Variants in CDH18 observed in about 807,000 individuals in gnomAD.
CDH18 encodes the protein cadherin-18.
Under a neutral mutation model 67.9 loss-of-function variants are expected in CDH18, and 31 were observed. The observed-to-expected ratio is 0.46, with a 90% CI of 0.34 to 0.62. The LOEUF (loss-of-function observed/expected upper bound fraction) is 0.62, where lower values mean the gene tolerates loss of function less well. Ranked by LOEUF, CDH18 falls within the 20% of genes least tolerant of loss-of-function variation. CDH18 has a pLI of 0.01. For synonymous variants in CDH18, 362 were observed against 347.2 expected (o/e 1.04, Z -0.48); for missense variants, 890 against 975.5 (o/e 0.91, Z 1.17).
At chr5:19,590,963 G>A in intron 7 of CDH18, 94 bp downstream of exon 7, 1 of 635,278 alleles carries the variant, frequency 1.6e-6, no homozygotes. Flanking sequence ...CATTTTAATG[G>A]CCTGACAGCG....
chr5:19,885,091 A>C (rs574149171), intron 2 of CDH18, among the ~76,000 whole-genome samples: 1 of 152,272 alleles, frequency 6.6e-6, no homozygotes, highest in East Asian at 1.9e-4. Context: ...TGCCTTCCAT[A>C]TTATGGGCGA....
chr5:19,900,830 T>C (rs1413302058), intron 2 of CDH18, among the ~76,000 whole-genome samples: 13 of 152,206 alleles, frequency 8.5e-5, no homozygotes, highest in Non-Finnish European at 1.8e-4. Context: ...AGCTATTATG[T>C]TTTCAGTGGA....
At chr5:20,068,017 A>G (rs1743132855) in intron 2 of CDH18, among the ~76,000 whole-genome samples, 1 of 152,016 alleles carries the variant, frequency 6.6e-6, no homozygotes, top group Non-Finnish European at 1.5e-5. Flanking sequence ...CCTTTTGTTT[A>G]TCTCGTTTAC....
intron 2 of CDH18, among the ~76,000 whole-genome samples, chr5:19,905,757 C>A (rs1407749040): frequency 6.6e-6 from 1 of 151,494 alleles, no homozygotes; most frequent in African/African-American, 2.4e-5. Flanking sequence ...TTATTAAAAT[C>A]AATTTTAAAA....
At position 20,145,763 on chromosome 5, in the gene CDH18, T is replaced by A. The variant is rs550680012; in HGVS notation, c.-518+109681A>T. On this transcript the variant is annotated intron_variant, in intron 2 of 14. Coordinates refer to the CDH18 transcript ENST00000507958. ...GTTGACCACTCATTAATTTTTAAAC[T>A]GAGTTCCATATATTTACTCTTGCCC... 2.0e-5 allele frequency among the ~76,000 whole-genome samples: 3 copies of A among 152,328 alleles called. No homozygotes were observed. The East Asian group carries it at 5.8e-4, about 29-fold the overall frequency.
intron 8 of CDH18, among the ~76,000 whole-genome samples, chr5:19,558,793 T>C (rs1738912246): frequency 6.6e-6 from 1 of 151,964 alleles, no homozygotes; most frequent in African/African-American, 2.4e-5. Context: ...CCCTAAGTGA[T>C]TCCATGAAGC....
rs1031095979 is a variant in CDH18 at position 19,750,772 on chromosome 5, C to T, written c.229-3536G>A. Among the ~76,000 whole-genome samples, 999 of 116,728 alleles carry T rather than the reference C, an allele frequency of 8.6e-3. 16 individuals are homozygous for T. Among genetic ancestry groups the T allele is most frequent in the African/African-American group, 0.027 (891 of 32,930 alleles). The allele number at this position is 116,728 out of a possible 152,430, so 76.6% of individuals were successfully genotyped here. A position where few individuals can be genotyped will look rare whatever the true frequency, so the allele number is the denominator to read the frequency against. Reference sequence around the variant, plus strand: ...CATATACAGTGAAGCCCCCCCCCCCCCACTTTTTTTAAATCAGTTTAGTCA... The same window carrying T: ...CATATACAGTGAAGCCCCCCCCCCCTCACTTTTTTTAAATCAGTTTAGTCA... On this transcript the variant is annotated intron_variant, in intron 3 of 12. Coordinates refer to ENST00000382275, the MANE Select transcript of CDH18 (RefSeq NM_004934.5).
At chr5:20,208,528 C>T (rs1740092962) in intron 2 of CDH18, among the ~76,000 whole-genome samples, 1 of 151,928 alleles carries the variant, frequency 6.6e-6, no homozygotes, top group South Asian at 2.1e-4. Context: ...CTGCAAAACA[C>T]TAAATGTAGA....
intron 2 of CDH18, among the ~76,000 whole-genome samples, chr5:19,995,692 T>A (rs1367466449): frequency 2.0e-5 from 3 of 151,496 alleles, no homozygotes; most frequent in Non-Finnish European, 2.9e-5. Context: ...GCTAGCTAAA[T>A]CCCAGTTGTA....
chr5:20,188,544 G>A (rs1181367669), intron 2 of CDH18, among the ~76,000 whole-genome samples: 1 of 151,776 alleles, frequency 6.6e-6, no homozygotes, highest in Admixed American at 6.6e-5. Context: ...CTTGTGTCAA[G>A]AACTGTGCTA....
intron 5 of CDH18, among the ~76,000 whole-genome samples, chr5:19,670,994 T>G (rs1758668541): frequency 6.6e-6 from 1 of 152,076 alleles, no homozygotes; most frequent in African/African-American, 2.4e-5. Context: ...GAGTATCTAG[T>G]TATTAGTTCA....
At position 20,209,282 on chromosome 5, in the gene CDH18, A is replaced by T. The variant is rs186101681; in HGVS notation, c.-518+46162T>A. Among the ~76,000 whole-genome samples, 3 of 152,248 alleles carry T rather than the reference A, an allele frequency of 2.0e-5. No homozygotes were observed. The East Asian group carries it at 5.8e-4, about 29-fold the overall frequency. On this transcript the variant is annotated intron_variant, in intron 2 of 14. Coordinates refer to the CDH18 transcript ENST00000507958. ...CATCCAAAAGAAAGGAAACCAATGT[A>T]TTGAAAAAAGATGTGAACTCTCATG...
At chr5:20,098,665 C>T (rs979656693) in intron 2 of CDH18, among the ~76,000 whole-genome samples, 1 of 151,734 alleles carries the variant, frequency 6.6e-6, no homozygotes, top group African/African-American at 2.4e-5. Context: ...TTTATTATTC[C>T]AATCAGGAAA....
intron 2 of CDH18, among the ~76,000 whole-genome samples, chr5:19,921,030 AAAAT>A (rs1197673274): frequency 6.6e-6 from 1 of 152,064 alleles, no homozygotes; most frequent in African/African-American, 2.4e-5. Context: ...CATGTACAAA[AAAAT>A]AAAATTAGAT....
At chr5:20,082,155 T>C (rs1206844291) in intron 2 of CDH18, among the ~76,000 whole-genome samples, 1 of 151,704 alleles carries the variant, frequency 6.6e-6, no homozygotes, top group Non-Finnish European at 1.5e-5. Flanking sequence ...AGCAAACCTG[T>C]GATATTAATC....
chr5:19,628,317 T>C (rs1228907572), intron 5 of CDH18, among the ~76,000 whole-genome samples: 1 of 152,126 alleles, frequency 6.6e-6, no homozygotes, highest in African/African-American at 2.4e-5. Flanking sequence ...AATTGCACAG[T>C]CTTGGGTATG....
intron 1 of CDH18, among the ~76,000 whole-genome samples, chr5:20,542,000 T>C (rs1456270670): frequency 3.3e-5 from 5 of 152,092 alleles, no homozygotes; most frequent in Non-Finnish European, 4.4e-5. Flanking sequence ...GGCCGGAGTG[T>C]AGAGGTGCAA....
intron 1 of CDH18, among the ~76,000 whole-genome samples, chr5:20,543,675 A>G (rs1224884564): frequency 6.6e-6 from 1 of 152,140 alleles, no homozygotes; most frequent in Non-Finnish European, 1.5e-5. Flanking sequence ...CTTTGTCACT[A>G]CTAAATATGT....
At chr5:20,494,807 C>A (rs926717483) in intron 1 of CDH18, among the ~76,000 whole-genome samples, 1 of 152,024 alleles carries the variant, frequency 6.6e-6, no homozygotes, top group Non-Finnish European at 1.5e-5. Context: ...GATATCCCTA[C>A]AGAAAAAGTC....
Sources: allele counts gnomAD v4.1 joint callset (sites outside exome capture counted in the v4.1 genomes callset), GRCh38; gene constraint gnomAD v4.1.1; transcripts MANE v1.5; gene names NCBI Gene and HGNC (gene_info 2026-07-23, HGNC 2026-07-21).